The following CTNNA2 variants were observed in gnomAD, a reference collection of about 807,000 sequenced individuals.
CTNNA2 encodes the protein catenin alpha 2.
In CTNNA2, 42 loss-of-function variants were observed where a neutral mutation model predicts 101.0. The observed-to-expected ratio is 0.42, with a 90% CI of 0.32 to 0.54. CTNNA2 has a LOEUF of 0.54. Among genes scored for constraint, CTNNA2 ranks in the 20% least tolerant of loss-of-function variants. The pLI is 0.14. For synonymous variants in CTNNA2, 450 were observed against 456.4 expected (o/e 0.99, Z 0.18); for missense variants, 871 against 1,223.1 (o/e 0.71, Z 4.29).
intron 7 of CTNNA2, among the ~76,000 whole-genome samples, chr2:80,230,056 G>A (rs892712478): frequency 5.3e-5 from 8 of 151,998 alleles, no homozygotes; most frequent in African/African-American, 1.7e-4. Context: ...TGCTAGACAT[G>A]TTTGTAGCCT....
At chr2:79,826,523 C>A (rs1678450961) in intron 3 of CTNNA2, among the ~76,000 whole-genome samples, 1 of 152,182 alleles carries the variant, frequency 6.6e-6, no homozygotes, top group Non-Finnish European at 1.5e-5. Flanking sequence ...TACGCATGGC[C>A]TCCTGGAGCA....
At chr2:79,280,623 C>CTGTGTATG (rs1675339543) in intron 2 of CTNNA2, among the ~76,000 whole-genome samples, 1 of 129,094 alleles carries the variant, frequency 7.7e-6, no homozygotes, top group Non-Finnish European at 1.6e-5. Context: ...ATCCTGTATG[C>CTGTGTATG]TGTGTGTGTG....
intron 6 of CTNNA2, among the ~76,000 whole-genome samples, chr2:79,904,420 AATACTTAAG>A (rs1420746826): frequency 2.0e-5 from 3 of 152,208 alleles, no homozygotes; most frequent in Non-Finnish European, 4.4e-5. Flanking sequence ...CATGACAGAT[AATACTTAAG>A]TATTATATTT....
chr2:80,532,800 AC>A (rs1233624657), intron 9 of CTNNA2, among the ~76,000 whole-genome samples: 1 of 152,094 alleles, frequency 6.6e-6, no homozygotes, highest in African/African-American at 2.4e-5. Context: ...GTGTTATATT[AC>A]CTAGGAGAAG....
intron 2 of CTNNA2, among the ~76,000 whole-genome samples, chr2:79,276,179 A>C (rs906176200): frequency 6.6e-6 from 1 of 152,136 alleles, no homozygotes; most frequent in Non-Finnish European, 1.5e-5. Context: ...TAAGAAGAGC[A>C]TTCTAGGTTA....
At chr2:79,910,215 T>C (rs956786321) in intron 7 of CTNNA2, among the ~76,000 whole-genome samples, 1 of 152,192 alleles carries the variant, frequency 6.6e-6, no homozygotes, top group Non-Finnish European at 1.5e-5. Flanking sequence ...CTAAGAGGCA[T>C]TAATAAATCT....
At chr2:79,823,902 G>A (rs1012232696) in intron 3 of CTNNA2, among the ~76,000 whole-genome samples, 1 of 152,154 alleles carries the variant, frequency 6.6e-6, no homozygotes, top group South Asian at 2.1e-4. Context: ...TGGAGAGATT[G>A]AAGAAGTGTG....
chr2:80,064,172 A>G (rs1264338116), intron 7 of CTNNA2, among the ~76,000 whole-genome samples: 1 of 152,234 alleles, frequency 6.6e-6, no homozygotes, highest in East Asian at 1.9e-4. Flanking sequence ...CTAAGCTGAC[A>G]TGCTCACTGA....
intron 3 of CTNNA2, among the ~76,000 whole-genome samples, chr2:79,347,602 A>T (rs1252629765): frequency 1.3e-5 from 2 of 151,986 alleles, no homozygotes; most frequent in East Asian, 3.9e-4. Flanking sequence ...TTCTTCTAAT[A>T]CTTGCTAATC....
At chr2:80,410,298 C>G (rs750838335) in intron 8 of CTNNA2, among the ~76,000 whole-genome samples, 1 of 152,120 alleles carries the variant, frequency 6.6e-6, no homozygotes, top group African/African-American at 2.4e-5. Flanking sequence ...TGTGCTCCCA[C>G]GAAATAAGAA....
chr2:79,478,003 G>A (rs1473167369), intron 4 of CTNNA2, among the ~76,000 whole-genome samples: 1 of 152,156 alleles, frequency 6.6e-6, no homozygotes. Flanking sequence ...AAGTCAAGTT[G>A]CTACTGAAAA....
At chr2:79,384,671 T>C (rs754130039) in intron 4 of CTNNA2, among the ~76,000 whole-genome samples, 1 of 152,146 alleles carries the variant, frequency 6.6e-6, no homozygotes, top group Non-Finnish European at 1.5e-5. Context: ...GATAAAGTTG[T>C]TTGCCATTCC....
chr2:79,832,671 C>A (rs1298642602), intron 3 of CTNNA2, among the ~76,000 whole-genome samples: 2 of 152,126 alleles, frequency 1.3e-5, no homozygotes. Flanking sequence ...TCATGTGCAT[C>A]CAAACAAAAG....
Position 80,551,713 on chromosome 2 carries a change from G to A in CTNNA2, c.1541-3980G>A, listed in dbSNP as rs935714746. Among the ~76,000 whole-genome samples the A allele has an allele frequency of 2.6e-5, 4 of 152,190 alleles. No individual in the cohort carries two copies. The East Asian group carries it at 7.7e-4, about 29-fold the overall frequency. Reference sequence around the variant, plus strand: ...AGATTGGGCTTTGGCTTAAAGGAATGCTGTGGCCGATATGATCTTCTATTT... The same window carrying A: ...AGATTGGGCTTTGGCTTAAAGGAATACTGTGGCCGATATGATCTTCTATTT... On this transcript the variant is annotated intron_variant, in intron 11 of 18. Transcript: ENST00000402739.
intron 3 of CTNNA2, among the ~76,000 whole-genome samples, chr2:79,848,637 C>T (rs567671443): frequency 2.6e-5 from 4 of 152,256 alleles, no homozygotes; most frequent in Admixed American, 6.5e-5. Flanking sequence ...CTGTCTCTAA[C>T]GATGTTTAAT....
chr2:80,313,526 C>T, intron 7 of CTNNA2: 1 of 1,601,788 alleles, frequency 6.2e-7, no homozygotes, highest in East Asian at 2.2e-5. Flanking sequence ...GCTAATTGAG[C>T]AAGACCAGGT....
At chr2:79,604,424 G>C (rs184376585) in intron 1 of CTNNA2, among the ~76,000 whole-genome samples, 1 of 152,160 alleles carries the variant, frequency 6.6e-6, no homozygotes, top group Non-Finnish European at 1.5e-5. Context: ...AGTTTTCGGG[G>C]AACACCAGGG....
At chr2:80,223,975 C>G (rs577468271) in intron 7 of CTNNA2, among the ~76,000 whole-genome samples, 138 of 152,308 alleles carry the variant, frequency 9.1e-4, no homozygotes, top group African/African-American at 3.3e-3. Flanking sequence ...AAGAAATCTG[C>G]CAGTGCCAGT....
At chr2:79,707,751 C>T (rs1233315163) in intron 2 of CTNNA2, among the ~76,000 whole-genome samples, 1 of 152,170 alleles carries the variant, frequency 6.6e-6, no homozygotes, top group Non-Finnish European at 1.5e-5. Flanking sequence ...CCCCACCACA[C>T]CCATCCTGAT....
Sources: gnomAD v4.1 joint callset for allele counts (sites outside exome capture counted in the v4.1 genomes callset) on GRCh38, gnomAD v4.1.1 for gene constraint, MANE v1.5 for transcripts, NCBI Gene and HGNC (gene_info 2026-07-23, HGNC 2026-07-21) for gene names.